Variants in CHD6 observed in about 807,000 individuals in gnomAD.
CHD6 encodes the protein ATP-dependent chromatin remodeler CHD6.
Under a neutral mutation model 276.9 loss-of-function variants are expected in CHD6, and 50 were observed. The observed-to-expected ratio is 0.18, with a 90% CI of 0.14 to 0.23. The LOEUF is 0.23. CHD6 is among the 10% of genes least tolerant of loss of function. The probability of loss-of-function intolerance (pLI) is 1.00; values close to 1 mark genes in which losing one functional copy is unlikely to be tolerated. For missense variants in CHD6, 2,564 were observed against 3,365.8 expected (o/e 0.76, Z 5.89); for synonymous variants, 1,173 against 1,229.3 (o/e 0.95, Z 0.96).
At chr20:41,456,179 G>C (rs939903923) in intron 18 of CHD6, among the ~76,000 whole-genome samples, 200 bp from the exon 19 acceptor site, 5 of 152,060 alleles carry the variant, frequency 3.3e-5, no homozygotes, top group African/African-American at 1.2e-4. Flanking sequence ...TCTATAGGCA[G>C]CTCTGAAATA....
chr20:41,404,635 A>G lies in CHD6; in HGVS notation c.8106T>C (p.Ala2702=). ...LPAEREHGAQ[A]GEGALKDSNN... ...TGGAGTCTTTGAGTGCCCCCTCCCCAGCCTGTGCCCCATGTTCTCTCTCTG... is the reference window on the plus strand; with the variant it reads ...TGGAGTCTTTGAGTGCCCCCTCCCCGGCCTGTGCCCCATGTTCTCTCTCTG... Residue 2702 remains alanine (A), a synonymous_variant, in exon 37 of 37, where the codon GCT becomes GCC. Transcript: ENST00000373233. 1 of 1,512,292 alleles carries G rather than the reference A, an allele frequency of 6.6e-7. No homozygotes were observed. The highest frequency in any genetic ancestry group is 8.8e-7 in the Non-Finnish European group (1 of 1,130,408). The allele number at this position is 1,512,292 out of a possible 1,614,324, so 93.7% of individuals were successfully genotyped here.
chr20:41,459,621 A>G (rs1181708008), intron 17 of CHD6, among the ~76,000 whole-genome samples: 1 of 152,106 alleles, frequency 6.6e-6, no homozygotes, highest in African/African-American at 2.4e-5. Flanking sequence ...TTTATCAGGG[A>G]TTTCTACTTT....
At chr20:41,509,999 C>A (rs1004776888) in intron 5 of CHD6, among the ~76,000 whole-genome samples, 4 of 152,162 alleles carry the variant, frequency 2.6e-5, no homozygotes, top group Non-Finnish European at 5.9e-5. Context: ...CCAGCAGTCA[C>A]AGAATTGCGT....
chr20:41,523,112 T>G (rs2044443900), intron 3 of CHD6, among the ~76,000 whole-genome samples: 1 of 152,192 alleles, frequency 6.6e-6, no homozygotes, highest in African/African-American at 2.4e-5. Flanking sequence ...AGGGGGTCAC[T>G]GAAGACAAAC....
chr20:41,613,196 A>C (rs1601198025), intron 1 of CHD6, among the ~76,000 whole-genome samples: 1 of 152,226 alleles, frequency 6.6e-6, no homozygotes, highest in African/African-American at 2.4e-5. Flanking sequence ...GTTGCAAAGC[A>C]TTTCATAAAA....
intron 1 of CHD6, among the ~76,000 whole-genome samples, chr20:41,560,909 T>C (rs1366217832): frequency 6.6e-6 from 1 of 152,176 alleles, no homozygotes; most frequent in Non-Finnish European, 1.5e-5. Flanking sequence ...TCATTTAAAC[T>C]TCAGCTGTTC....
chr20:41,490,659 A>G (rs560492186), intron 11 of CHD6, among the ~76,000 whole-genome samples: 12 of 152,224 alleles, frequency 7.9e-5, no homozygotes, highest in African/African-American at 2.4e-4. Context: ...TTAAAAATAC[A>G]AAAACTAGCA....
intron 1 of CHD6, among the ~76,000 whole-genome samples, chr20:41,598,296 C>G (rs1159665768): frequency 6.6e-6 from 1 of 152,164 alleles, no homozygotes; most frequent in Non-Finnish European, 1.5e-5. Context: ...TTCAAACCTT[C>G]TAATCAAACT....
In CHD6 at chr20:41,466,893, G is replaced by C. The variant is rs2145747268; in HGVS notation, c.2664+6429C>G. On this transcript the variant is annotated intron_variant, in intron 17 of 36. Coordinates refer to ENST00000373233, the MANE Select transcript of CHD6 (RefSeq NM_032221.5). ...CAGTCCTAGACAATGAGGTGTAACA[G>C]AACCTCCTGAAGATATGTGCCAAAG... Among the ~76,000 whole-genome samples the C allele has an allele frequency of 1.3e-5, 2 of 152,322 alleles. 1 individual carries two copies. The highest frequency in any genetic ancestry group is 4.1e-4 in the South Asian group (2 of 4,826).
chr20:41,535,598 C>A (rs2146085971), intron 2 of CHD6, among the ~76,000 whole-genome samples: 1 of 152,280 alleles, frequency 6.6e-6, no homozygotes, highest in South Asian at 2.1e-4. Flanking sequence ...GTGGTTCACA[C>A]CTGTAATACC....
intron 17 of CHD6, among the ~76,000 whole-genome samples, chr20:41,460,841 C>T (rs1181529381): frequency 6.6e-6 from 1 of 152,184 alleles, no homozygotes; most frequent in African/African-American, 2.4e-5. Context: ...GGGGCACCAT[C>T]CTCCAGACCC....
intron 5 of CHD6, among the ~76,000 whole-genome samples, chr20:41,504,077 C>CAAAAAAAAAAAAAAAAAAAAAA (rs1189323419): frequency 4.4e-4 from 12 of 27,092 alleles, no homozygotes; most frequent in East Asian, 1.5e-3. Flanking sequence ...GACTCTGTCT[C>CAAAAAAAAAAAAAAAAAAAAAA]AAAAAAAAAA....
At chr20:41,574,452 T>C (rs1445399149) in intron 1 of CHD6, among the ~76,000 whole-genome samples, 2 of 152,186 alleles carry the variant, frequency 1.3e-5, no homozygotes, top group African/African-American at 4.8e-5. Context: ...TGCTCTCTCC[T>C]GAACCTTCCA....
At chr20:41,510,559 A>G (rs1337241100) in intron 5 of CHD6, among the ~76,000 whole-genome samples, 1 of 152,206 alleles carries the variant, frequency 6.6e-6, no homozygotes, top group Non-Finnish European at 1.5e-5. Context: ...TCAGATTCTA[A>G]TTTATGTTTC....
intron 1 of CHD6, among the ~76,000 whole-genome samples, chr20:41,609,195 C>A (rs1194007986): frequency 6.6e-6 from 1 of 152,096 alleles, no homozygotes; most frequent in Non-Finnish European, 1.5e-5. Context: ...TGTCTGTAGT[C>A]CCAGCTACTC....
In CHD6 at chr20:41,416,650, C is replaced by T; in HGVS notation, c.6424G>A (p.Glu2142Lys). 6.2e-7 allele frequency: 1 copy of T among 1,613,994 alleles called. No homozygotes were observed. The highest frequency in any genetic ancestry group is 1.3e-5 in the African/African-American group (1 of 75,030). The change falls in exon 33 of 37, where the codon GAG (glutamate) becomes AAG (lysine). Residue 2142 changes from glutamate (E) to lysine (K), a missense_variant. By Grantham distance (56) the Glu-to-Lys change is moderately conservative. Coordinates refer to ENST00000373233, the MANE Select transcript of CHD6 (RefSeq NM_032221.5). ...SSAGSRTSLS[E>K]PEAAEHSFSN... The stretch of plus-strand genomic sequence containing the variant: ...AAGCTGTGTTCTGCTGCTTCCGGCT[C>T]TGAGAGGCTGGTTCGAGAACCAGCA...
intron 3 of CHD6, among the ~76,000 whole-genome samples, chr20:41,522,154 G>C (rs1165751893): frequency 6.6e-6 from 1 of 151,960 alleles, no homozygotes; most frequent in Non-Finnish European, 1.5e-5. Context: ...CAGACTGGCA[G>C]CATAGTGAAA....
At chr20:41,426,245 C>T (rs1163387084) in intron 27 of CHD6, 92 bp from the exon 28 acceptor site, 1 of 884,646 alleles carries the variant, frequency 1.1e-6, no homozygotes, top group African/African-American at 1.6e-5. Context: ...AAGCATCACG[C>T]ATAAGAGCTG....
chr20:41,404,980 C>A lies in CHD6; in HGVS notation c.7761G>T (p.Lys2587Asn). 1.2e-6 allele frequency: 2 copies of A among 1,614,218 alleles called. No individual in the cohort carries two copies. The highest frequency in any genetic ancestry group is 1.7e-6 in the Non-Finnish European group (2 of 1,180,044). ...DVKTDTLAED[K>N]PGPGPFSDQS... Reference sequence around the variant, plus strand: ...GATCAGAAAATGGACCTGGACCAGGCTTGTCCTCAGCTAAAGTGTCTGTTT... The same window carrying A: ...GATCAGAAAATGGACCTGGACCAGGATTGTCCTCAGCTAAAGTGTCTGTTT... The change falls in exon 37 of 37, where the codon AAG becomes AAT. Residue 2587 changes from lysine (K) to asparagine (N), a missense_variant. Lys to Asn is a moderately conservative substitution (Grantham distance 94). This residue lies in a region of CHD6 where 238 missense variants were observed against 266.0 expected (regional missense o/e 0.89). Transcript: ENST00000373233.
Sources: allele counts gnomAD v4.1 joint callset (sites outside exome capture counted in the v4.1 genomes callset), GRCh38; gene constraint gnomAD v4.1.1; regional missense constraint gnomAD v4.1.1; transcripts MANE v1.5; gene names NCBI Gene and HGNC (gene_info 2026-07-23, HGNC 2026-07-21).